The following ADGRL1 variants were observed in gnomAD, a reference collection of about 807,000 sequenced individuals.
ADGRL1 encodes the protein CIRL-1.
ADGRL1 carries 31 observed loss-of-function variants against 148.9 expected under a neutral mutation model. The ratio of observed to expected loss-of-function variants is 0.21; its 90% CI spans 0.16 to 0.28. The LOEUF (loss-of-function observed/expected upper bound fraction) is 0.28, where lower values mean the gene tolerates loss of function less well. ADGRL1 is among the 10% of genes least tolerant of loss of function. The pLI, the probability that ADGRL1 is intolerant of heterozygous loss-of-function variation, is 1.00. For missense variants in ADGRL1, 1,521 were observed against 2,058.8 expected (o/e 0.74, Z 5.05); for synonymous variants, 937 against 900.3 (o/e 1.04, Z -0.73).
intron 1 of ADGRL1, among the ~76,000 whole-genome samples, chr19:14,185,508 G>A (rs1971526966): frequency 6.6e-6 from 1 of 152,034 alleles, no homozygotes; most frequent in African/African-American, 2.4e-5. Context: ...TGCCCAAGCT[G>A]GTCTTGAACT....
intron 1 of ADGRL1, among the ~76,000 whole-genome samples, chr19:14,192,667 C>A (rs1423174158): frequency 1.3e-5 from 2 of 152,178 alleles, no homozygotes; most frequent in Non-Finnish European, 2.9e-5. Flanking sequence ...TCTCCTGCCT[C>A]AGCCTCCTGA....
chr19:14,157,864 G>C lies in ADGRL1; in HGVS notation c.2535+18C>G. 1 of 1,613,012 alleles carries C rather than the reference G, an allele frequency of 6.2e-7. No individual in the cohort carries two copies. Among genetic ancestry groups the C allele is most frequent in the South Asian group, 1.1e-5 (1 of 90,996 alleles). On this transcript the variant is annotated intron_variant, in intron 13 of 22. Transcript: ENST00000361434. This position sits in a 1 kb window ranked among gnomAD's most constrained non-coding sequence, Gnocchi z 7.5. The stretch of plus-strand genomic sequence containing the variant: ...GCAATCGGGCCTGCCTGGAGGAGCA[G>C]AGCACCAGCCAGCTTACGATCTCAC...
intron 1 of ADGRL1, among the ~76,000 whole-genome samples, chr19:14,190,357 C>G (rs537246189): frequency 3.9e-5 from 6 of 152,348 alleles, no homozygotes; most frequent in African/African-American, 1.2e-4. Flanking sequence ...GCCTCGAACT[C>G]CTGGGCTCAA....
rs1295563074 is a variant in ADGRL1, at chr19:14,162,701, A to G, written c.1100T>C (p.Val367Ala). Residue 367 changes from valine to alanine, a missense_variant, in exon 5 of 23, where the codon GTT (valine) becomes GCT (alanine). By Grantham distance (64) the Val-to-Ala change is moderately conservative. Coordinates refer to ENST00000361434, the MANE Select transcript of ADGRL1 (RefSeq NM_014921.5). The surrounding 1 kb of genome is among the most constrained non-coding windows in gnomAD (Gnocchi z 5.4). ...CTGGTTGTCGCGAGGGTTGTAGTCA[A>G]CGGAGGAGATGAACTGGTAGGGGTT... ...FPNPYQFISS[V>A]DYNPRDNQLY... 1 of 1,614,050 alleles carries G rather than the reference A, an allele frequency of 6.2e-7. No homozygotes were observed. The highest frequency in any genetic ancestry group is 1.3e-5 in the African/African-American group (1 of 74,918).
At chr19:14,194,078 C>T (rs1430635571) in intron 1 of ADGRL1, among the ~76,000 whole-genome samples, 2 of 152,150 alleles carry the variant, frequency 1.3e-5, no homozygotes, top group Non-Finnish European at 2.9e-5. Flanking sequence ...CCCAGCTCTA[C>T]AAACAAATAT....
intron 1 of ADGRL1, among the ~76,000 whole-genome samples, chr19:14,194,878 CTCTTT>C (rs974959604): frequency 1.3e-5 from 2 of 149,010 alleles, no homozygotes; most frequent in African/African-American, 5.0e-5. Flanking sequence ...CTTCTTTCTT[CTCTTT>C]TTTTTTTTTT....
At chr19:14,182,847 C>G (rs1411027078) in intron 2 of ADGRL1, among the ~76,000 whole-genome samples, 1 of 152,212 alleles carries the variant, frequency 6.6e-6, no homozygotes. Flanking sequence ...TTGGAGCTTT[C>G]CAGAGGGCAG....
chr19:14,159,177 G>C lies in ADGRL1; in HGVS notation c.2062C>G (p.Gln688Glu). 1 of 1,614,140 alleles carries C rather than the reference G, an allele frequency of 6.2e-7. No homozygotes were observed. Among genetic ancestry groups the C allele is most frequent in the Non-Finnish European group, 8.5e-7 (1 of 1,179,998 alleles). The part of the protein sequence containing the change: ...VTVLNTEGQV[Q>E]ELVFPQEEYP... ...TCCTCCTGGGGGAACACCAGCTCCT[G>C]CACCTGGCCCTCTGTGTTCAGGACT... The change falls in exon 11 of 23, where the codon CAG becomes GAG. Residue 688 changes from glutamine (Q) to glutamate (E), a missense_variant. This residue lies in a region of ADGRL1 where 265 missense variants were observed against 431.9 expected (regional missense o/e 0.61). Transcript: ENST00000361434. The surrounding 1 kb of genome is among the most constrained non-coding windows in gnomAD (Gnocchi z 6.0).
intron 1 of ADGRL1, among the ~76,000 whole-genome samples, chr19:14,197,405 G>A (rs577192249): frequency 5.4e-4 from 80 of 147,358 alleles, no homozygotes; most frequent in Non-Finnish European, 4.6e-4. Flanking sequence ...CTGCCACCCC[G>A]TCCCATCCAG....
In ADGRL1 at chr19:14,160,463, G is replaced by C. The variant is rs1050906268; in HGVS notation, c.1614+130C>G. On this transcript the variant is annotated intron_variant, in intron 7 of 22. Transcript: ENST00000361434. This position sits in a 1 kb window ranked among gnomAD's most constrained non-coding sequence, Gnocchi z 5.9. Reference sequence around the variant, plus strand: ...GTCCCTGCTCCCTTTGTAGGCCAGGGAGGTGACCCCACAGTCCTGCCTTCC... The same window carrying C: ...GTCCCTGCTCCCTTTGTAGGCCAGGCAGGTGACCCCACAGTCCTGCCTTCC... 3 of 911,154 alleles carry C rather than the reference G, an allele frequency of 3.3e-6. No individual in the cohort carries two copies. Among genetic ancestry groups the C allele is most frequent in the Non-Finnish European group, 3.3e-6 (2 of 609,692 alleles). 56.4% of individuals were successfully genotyped at this position (911,154 alleles called of 1,614,324 possible).
chr19:14,174,454 C>T (rs1036577881), intron 3 of ADGRL1, among the ~76,000 whole-genome samples: 1 of 152,050 alleles, frequency 6.6e-6, no homozygotes, highest in Non-Finnish European at 1.5e-5. Context: ...ATCTCAGCCA[C>T]CTGAACACTG....
chr19:14,177,719 G>A lies in ADGRL1; in HGVS notation c.96C>T (p.Phe32=), dbSNP rs369419269. 28 of 1,612,994 alleles carry A rather than the reference G, an allele frequency of 1.7e-5. 1 individual carries two copies. Among genetic ancestry groups the A allele is most frequent in the Middle Eastern group, 1.7e-4 (1 of 6,058 alleles). ...TQGLSRAGLP[F]GLMRRELACE... ...ACGCCAGCTCCCGGCGCATCAGCCC[G>A]AACGGGAGCCCGGCCCGGCTCAGGC... The change falls in exon 3 of 23, where the codon TTC becomes TTT. Residue 32 remains phenylalanine (F), a synonymous_variant. Coordinates refer to ENST00000361434, the MANE Select transcript of ADGRL1 (RefSeq NM_014921.5).
chr19:14,190,830 G>A (rs1971882978), intron 1 of ADGRL1, among the ~76,000 whole-genome samples: 1 of 151,980 alleles, frequency 6.6e-6, no homozygotes, highest in Non-Finnish European at 1.5e-5. Flanking sequence ...GCTCACGCCT[G>A]TAATCCCAGC....
intron 1 of ADGRL1, among the ~76,000 whole-genome samples, chr19:14,194,245 G>A (rs999140832): frequency 1.3e-5 from 2 of 152,202 alleles, no homozygotes; most frequent in African/African-American, 4.8e-5. Flanking sequence ...TAAAGTCTCT[G>A]TTGCTAAAGC....
At chr19:14,158,955 C>T in intron 11 of ADGRL1, 135 bp downstream of exon 11, 1 of 1,112,500 alleles carries the variant, frequency 9.0e-7, no homozygotes, top group Non-Finnish European at 1.3e-6. Context: ...GCCCATGAAT[C>T]CCCTCAAATT....
chr19:14,171,544 C>T (rs1459610432), intron 3 of ADGRL1, among the ~76,000 whole-genome samples: 2 of 152,206 alleles, frequency 1.3e-5, no homozygotes, highest in Admixed American at 6.5e-5. Context: ...AAAGCCCCTG[C>T]GCTGTTCACT....
intron 1 of ADGRL1, among the ~76,000 whole-genome samples, chr19:14,188,099 T>TA (rs1971699748): frequency 6.6e-6 from 1 of 152,082 alleles, no homozygotes; most frequent in East Asian, 1.9e-4. Context: ...CCTCTCTTAA[T>TA]AAAAATAAAT....
rs373726065 is a variant in ADGRL1 at position 14,152,097 on chromosome 19, G to A, written c.3667+36C>T. 2.6e-5 allele frequency: 42 copies of A among 1,598,050 alleles called. No homozygotes were observed. The highest frequency in any genetic ancestry group is 3.3e-5 in the Non-Finnish European group (39 of 1,165,496). On this transcript the variant is annotated intron_variant, in intron 22 of 22. Coordinates refer to ENST00000361434, the MANE Select transcript of ADGRL1 (RefSeq NM_014921.5). The surrounding 1 kb of genome is among the most constrained non-coding windows in gnomAD (Gnocchi z 6.1). ...AAGGCCACTGTCTGTCCCTCTCCCA[G>A]CCTCAGAAACATCCCCAGGGAAGAG...
chr19:14,200,465 G>C (rs1284402019), intron 1 of ADGRL1, among the ~76,000 whole-genome samples: 2 of 152,226 alleles, frequency 1.3e-5, no homozygotes, highest in Non-Finnish European at 2.9e-5. Flanking sequence ...CAGCTGGTGA[G>C]CTAAGAATGG....
Sources: allele counts gnomAD v4.1 joint callset (sites outside exome capture counted in the v4.1 genomes callset), GRCh38; gene constraint gnomAD v4.1.1; regional missense constraint gnomAD v4.1.1; non-coding constraint Gnocchi (gnomAD v3.1); transcripts MANE v1.5; gene names NCBI Gene and HGNC (gene_info 2026-07-23, HGNC 2026-07-21).